The following TEK variants were observed in gnomAD, a reference collection of about 807,000 sequenced individuals.
The protein encoded by TEK is angiopoietin-1 receptor.
In TEK, 43 loss-of-function variants were observed where a neutral mutation model predicts 131.8. The ratio of observed to expected loss-of-function variants is 0.33; its 90% confidence interval spans 0.26 to 0.42. The LOEUF (loss-of-function observed/expected upper bound fraction) is 0.42. TEK is among the 10% of genes least tolerant of loss of function. TEK has a pLI of 1.00. For synonymous variants in TEK, 580 were observed against 491.6 expected, an observed-to-expected ratio of 1.18 and a Z score of -2.38; for missense variants, 1,162 against 1,384.4, an observed-to-expected ratio of 0.84 and a Z score of 2.55.
At chr9:27,226,599 A>G (rs1038278341) in intron 21 of TEK, among the ~76,000 whole-genome samples, 18 of 152,290 alleles carry the variant, frequency 1.2e-4, no homozygotes, top group African/African-American at 4.3e-4. Context: ...GGGGAGGGAT[A>G]GCATTAGGAG....
At chr9:27,203,306 T>C (rs1825287921) in intron 13 of TEK, among the ~76,000 whole-genome samples, 187 bp downstream of exon 13, 1 of 152,162 alleles carries the variant, frequency 6.6e-6, no homozygotes, top group African/African-American at 2.4e-5. Context: ...TTTTCTATTA[T>C]TGAACCTTAG....
intron 17 of TEK, among the ~76,000 whole-genome samples, 173 bp downstream of exon 17, chr9:27,213,070 C>T (rs1825693284): frequency 6.6e-6 from 1 of 152,088 alleles, no homozygotes; most frequent in South Asian, 2.1e-4. Flanking sequence ...TTAGTACTGA[C>T]AATATGTTTA....
At chr9:27,202,723 G>C in intron 12 of TEK, 97 bp from the exon 13 acceptor site, 3 of 1,315,456 alleles carry the variant, frequency 2.3e-6, no homozygotes, top group Non-Finnish European at 3.2e-6. Flanking sequence ...ACATTTGTTT[G>C]CCTTATATGA....
At position 27,212,929 on chromosome 9, in the gene TEK, T is replaced by C. The variant is rs150130012; in HGVS notation, c.2877+32T>C. 7.8e-5 allele frequency: 126 copies of C among 1,608,686 alleles called. No individual in the cohort carries two copies. The African/African-American group carries it at 1.5e-3, about 19-fold the overall frequency. On this transcript the variant is annotated intron_variant, in intron 17 of 22. Transcript: ENST00000380036. ...CCGGAGGACTTCGCTTTGGATATCT[T>C]TCCTGTGGAGTTCCCTCTAAAGTCA... is the stretch of plus-strand genomic sequence containing the variant.
At chr9:27,150,018 T>C (rs566014346) in intron 1 of TEK, among the ~76,000 whole-genome samples, 1 of 152,280 alleles carries the variant, frequency 6.6e-6, no homozygotes, top group African/African-American at 2.4e-5. Context: ...CCTCTCTAGA[T>C]ATTCTCAATT....
intron 2 of TEK, among the ~76,000 whole-genome samples, chr9:27,160,236 G>C (rs1485562838): frequency 2.0e-5 from 3 of 151,850 alleles, no homozygotes; most frequent in Admixed American, 6.6e-5. Context: ...TGCTGCCTAG[G>C]CTGGTCTTGA....
At chr9:27,151,777 A>G (rs1823136040) in intron 1 of TEK, among the ~76,000 whole-genome samples, 1 of 152,238 alleles carries the variant, frequency 6.6e-6, no homozygotes, top group Non-Finnish European at 1.5e-5. Context: ...CAGGGGAAGC[A>G]TGCAATAAGT....
At chr9:27,181,618 A>T (rs1824377748) in intron 7 of TEK, among the ~76,000 whole-genome samples, 1 of 152,172 alleles carries the variant, frequency 6.6e-6, no homozygotes, top group African/African-American at 2.4e-5. Context: ...TATAAAGAAA[A>T]AAATTTTGGA....
intron 6 of TEK, among the ~76,000 whole-genome samples, chr9:27,174,956 GT>G (rs1824106295): frequency 8.8e-6 from 1 of 113,248 alleles, no homozygotes. Context: ...CTGGGCCCAG[GT>G]TTTTTTGTTT....
At chr9:27,221,732 G>C (rs937780587) in intron 21 of TEK, among the ~76,000 whole-genome samples, 1 of 152,134 alleles carries the variant, frequency 6.6e-6, no homozygotes, top group African/African-American at 2.4e-5. Context: ...CAACAAAAAG[G>C]ACCTCCACAC....
intron 21 of TEK, among the ~76,000 whole-genome samples, chr9:27,225,690 G>C (rs1826294342): frequency 6.6e-6 from 1 of 152,192 alleles, no homozygotes; most frequent in South Asian, 2.1e-4. Flanking sequence ...AAGACTTCAT[G>C]ACTAAAACAC....
At chr9:27,165,785 T>A (rs1215506050) in intron 2 of TEK, among the ~76,000 whole-genome samples, 2 of 152,206 alleles carry the variant, frequency 1.3e-5, no homozygotes, top group East Asian at 3.9e-4. Flanking sequence ...ATCTACCCCG[T>A]GCTCTCTCTG....
chr9:27,223,819 G>A (rs549115356), intron 21 of TEK, among the ~76,000 whole-genome samples: 3 of 152,258 alleles, frequency 2.0e-5, no homozygotes, highest in East Asian at 3.9e-4. Flanking sequence ...AAAAAAATCA[G>A]TGAATCCAGG....
chr9:27,195,025 G>A (rs926077282), intron 11 of TEK, among the ~76,000 whole-genome samples: 2 of 152,112 alleles, frequency 1.3e-5, no homozygotes, highest in African/African-American at 2.4e-5. Flanking sequence ...GGATTAGGAG[G>A]TGTAAATGTA....
rs759283621 is a variant in TEK at position 27,158,034 on chromosome 9, G to A, written c.256G>A (p.Val86Ile). ...TGTGACCAGAGAATGGGCTAAAAAA[G>A]TTGTTTGGAAGAGAGAAAAGGCTAG... ...QDVTREWAKKVVWKREKASKI... is the reference protein window; with the variant it reads ...QDVTREWAKKIVWKREKASKI... Residue 86 changes from valine to isoleucine, a missense_variant, in exon 2 of 23, where the codon GTT (valine) becomes ATT (isoleucine). Physicochemically the swap from Val to Ile is conservative, Grantham distance 29. Around this residue, in one of 6 missense-constraint regions of TEK, gnomAD observed 436 missense variants for 539.1 expected, o/e 0.81. Transcript: ENST00000380036. 29 of 1,614,074 alleles carry A rather than the reference G, an allele frequency of 1.8e-5. No homozygotes were observed. Among genetic ancestry groups the A allele is most frequent in the Non-Finnish European group, 2.0e-5 (24 of 1,179,994 alleles).
intron 1 of TEK, among the ~76,000 whole-genome samples, chr9:27,109,858 AT>A (rs1821264436): frequency 6.6e-6 from 1 of 152,256 alleles, no homozygotes; most frequent in South Asian, 2.1e-4. Context: ...CTTCTGGGTG[AT>A]TGGCCCCTGT....
At chr9:27,213,397 A>G (rs967290436) in intron 17 of TEK, 87 bp from the exon 18 acceptor site, 8 of 943,754 alleles carry the variant, frequency 8.5e-6, no homozygotes, top group Non-Finnish European at 1.4e-5. Context: ...CCTTTTTTAT[A>G]CTATTGTTTT....
intron 21 of TEK, among the ~76,000 whole-genome samples, chr9:27,220,582 T>G (rs1587045665): frequency 6.6e-6 from 1 of 152,342 alleles, no homozygotes; most frequent in South Asian, 2.1e-4. Context: ...GCAAGTGATT[T>G]CTGCATTTCC....
chr9:27,163,743 A>G (rs1823625865), intron 2 of TEK, among the ~76,000 whole-genome samples: 1 of 152,224 alleles, frequency 6.6e-6, no homozygotes, highest in Admixed American at 6.5e-5. Flanking sequence ...AACTGTAGCT[A>G]TACTGTCTTC....
Sources: allele counts gnomAD v4.1 joint callset (sites outside exome capture counted in the v4.1 genomes callset), GRCh38; gene constraint gnomAD v4.1.1; regional missense constraint gnomAD v4.1.1; transcripts MANE v1.5; gene names NCBI Gene and HGNC (gene_info 2026-07-23, HGNC 2026-07-21).